ATG14: variants seen among roughly 807,000 people sequenced by gnomAD.
The protein encoded by ATG14 is autophagy related 14.
In ATG14, 35 loss-of-function variants were observed where a neutral mutation model predicts 60.4. That is an observed-to-expected ratio of 0.58 (90% CI 0.44 to 0.77). The LOEUF (loss-of-function observed/expected upper bound fraction) is 0.77, where lower values mean the gene tolerates loss of function less well. Ranked by LOEUF, ATG14 falls within the 30% of genes least tolerant of loss-of-function variation. ATG14 has a pLI of 0.00. For missense variants in ATG14, 647 were observed against 626.3 expected, an observed-to-expected ratio of 1.03 and a Z score of -0.35; for synonymous variants, 234 against 228.8, an observed-to-expected ratio of 1.02 and a Z score of -0.21.
intron 5 of ATG14, among the ~76,000 whole-genome samples, chr14:55,385,440 G>A (rs575882735): frequency 7.2e-4 from 110 of 152,246 alleles, no homozygotes; most frequent in Middle Eastern, 3.4e-3. Context: ...CTACAGGCAC[G>A]CGCCACCACG....
chr14:55,385,301 T>C (rs1409532353), intron 5 of ATG14, among the ~76,000 whole-genome samples: 1 of 152,126 alleles, frequency 6.6e-6, no homozygotes, highest in Non-Finnish European at 1.5e-5. Context: ...TTTTTTTTGT[T>C]TGTTTCTTTG....
intron 5 of ATG14, among the ~76,000 whole-genome samples, chr14:55,385,289 GTTTTT>G (rs543895212): frequency 6.6e-6 from 1 of 151,212 alleles, no homozygotes; most frequent in Admixed American, 6.6e-5. Context: ...TGGTTCTCTG[GTTTTT>G]TTTTGTTTGT....
chr14:55,378,125 AT>A (rs1345111807), intron 7 of ATG14, 51 bp from the exon 8 acceptor site: 16 of 1,516,534 alleles, frequency 1.1e-5, no homozygotes, highest in African/African-American at 1.4e-5. Context: ...AGGAAATTCT[AT>A]GTTAAAATTT....
At chr14:55,392,344 G>C (rs1249137548) in intron 3 of ATG14, among the ~76,000 whole-genome samples, 1 of 152,002 alleles carries the variant, frequency 6.6e-6, no homozygotes, top group African/African-American at 2.4e-5. Flanking sequence ...AGTGAACAAA[G>C]GATCAATAAA....
At chr14:55,376,104 G>A (rs1014987174) in intron 9 of ATG14, among the ~76,000 whole-genome samples, 1 of 152,140 alleles carries the variant, frequency 6.6e-6, no homozygotes, top group African/African-American at 2.4e-5. Context: ...GTCTACTACT[G>A]TGGAGTCAGC....
intron 1 of ATG14, among the ~76,000 whole-genome samples, chr14:55,404,606 G>C (rs1414093548): frequency 1.3e-5 from 2 of 152,178 alleles, no homozygotes; most frequent in East Asian, 3.8e-4. Flanking sequence ...AAAATATCTA[G>C]AGGGAGAGAA....
chr14:55,394,923 A>G, intron 3 of ATG14: 1 of 379,056 alleles, frequency 2.6e-6, no homozygotes, highest in Non-Finnish European at 5.1e-6. Flanking sequence ...ACCAAAAAGT[A>G]AACAACCAGA....
At chr14:55,397,784 A>C (rs1039747426) in intron 1 of ATG14, among the ~76,000 whole-genome samples, 3 of 152,194 alleles carry the variant, frequency 2.0e-5, no homozygotes, top group Admixed American at 2.0e-4. Flanking sequence ...TTTAATTACT[A>C]ATCTGGATTC....
intron 9 of ATG14, among the ~76,000 whole-genome samples, 173 bp downstream of exon 9, chr14:55,377,646 A>C (rs916791411): frequency 6.6e-6 from 1 of 152,224 alleles, no homozygotes; most frequent in Non-Finnish European, 1.5e-5. Flanking sequence ...TACAAAAAAA[A>C]CCCATAAAAG....
chr14:55,381,207 G>C (rs1039278176), intron 6 of ATG14, among the ~76,000 whole-genome samples: 3 of 152,026 alleles, frequency 2.0e-5, no homozygotes. Context: ...GGTCACCTTT[G>C]TATCTCCAGC....
chr14:55,370,068 T>C lies in ATG14; in HGVS notation c.1173-143A>G, dbSNP rs891562652. On this transcript the variant is annotated intron_variant, in intron 9 of 9. Transcript: ENST00000247178. ...TTCCCCAAGTCTATGCAGCACTCCG[T>C]GTTGACATATGATTGCGTTTTCCTT... 12 of 648,226 alleles carry C rather than the reference T, an allele frequency of 1.9e-5. No individual in the cohort carries two copies. The African/African-American group carries it at 2.0e-4, about 11-fold the overall frequency. The allele number at this position is 648,226 out of a possible 1,614,324, so 40.2% of individuals were successfully genotyped here. A position where few individuals can be genotyped will look rare whatever the true frequency, so the allele number is the denominator to read the frequency against.
intron 5 of ATG14, among the ~76,000 whole-genome samples, chr14:55,382,672 G>A (rs1397944239): frequency 1.3e-5 from 2 of 152,176 alleles, no homozygotes; most frequent in Admixed American, 6.5e-5. Context: ...TGAAATATAC[G>A]TAGATAAGAG....
intron 1 of ATG14, among the ~76,000 whole-genome samples, chr14:55,399,171 G>C (rs1347801627): frequency 6.6e-6 from 1 of 152,080 alleles, no homozygotes; most frequent in Non-Finnish European, 1.5e-5. Context: ...AAATTTAATA[G>C]TCACTGAAAA....
chr14:55,392,781 T>C (rs117628317), intron 3 of ATG14, among the ~76,000 whole-genome samples: 16 of 152,252 alleles, frequency 1.1e-4, no homozygotes, highest in Middle Eastern at 6.8e-3. Flanking sequence ...CTTATCTAAG[T>C]AGTCTGATGG....
In ATG14 at chr14:55,380,618, A is replaced by G. The variant is rs1415690846; in HGVS notation, c.950T>C (p.Leu317Pro). The G allele has an allele frequency of 1.2e-6, 2 of 1,613,422 alleles. No homozygotes were observed. Among genetic ancestry groups the G allele is most frequent in the Non-Finnish European group, 1.7e-6 (2 of 1,179,734 alleles). The part of the protein sequence containing the change: ...LCYATQLVNI[L>P]SHILDVNLPK... ...AAGATTTACATCAAGTATATGAGAC[A>G]GAATGTTGACCAGCTGAGTTGCATA... Residue 317 changes from leucine to proline, a missense_variant, in exon 7 of 10, where the codon CTG becomes CCG. By Grantham distance (98) the Leu-to-Pro change is moderately conservative. Coordinates refer to ENST00000247178, the MANE Select transcript of ATG14 (RefSeq NM_014924.5).
chr14:55,411,828 C>A lies in ATG14; in HGVS notation c.-6G>T. 1 of 1,584,628 alleles carries A rather than the reference C, an allele frequency of 6.3e-7. No individual in the cohort carries two copies. The highest frequency in any genetic ancestry group is 8.6e-7 in the Non-Finnish European group (1 of 1,165,972). ...TTCCCACTGGGAGACGCCATGATGG[C>A]CTGAGAGGAGAGCCAGTCACGTGGG... On this transcript the variant is annotated 5_prime_UTR_variant, in exon 1 of 10. Transcript: ENST00000247178.
intron 5 of ATG14, 110 bp from the exon 6 acceptor site, chr14:55,382,301 A>G (rs1885050047): frequency 1.2e-6 from 1 of 848,198 alleles, no homozygotes; most frequent in African/African-American, 1.7e-5. Context: ...GAGCACAGAA[A>G]TTTTACATTA....
intron 1 of ATG14, among the ~76,000 whole-genome samples, chr14:55,405,623 G>T (rs1315647129): frequency 6.6e-6 from 1 of 152,200 alleles, no homozygotes; most frequent in African/African-American, 2.4e-5. Context: ...CTTTCCTGTT[G>T]TGAGTGGAAA....
intron 5 of ATG14, among the ~76,000 whole-genome samples, chr14:55,384,940 C>T (rs1278499127): frequency 1.3e-5 from 2 of 152,166 alleles, no homozygotes; most frequent in African/African-American, 4.8e-5. Context: ...CCTCTGGAAC[C>T]TCTATTTCTC....
Sources: gnomAD v4.1 joint callset for allele counts (sites outside exome capture counted in the v4.1 genomes callset) on GRCh38, gnomAD v4.1.1 for gene constraint, MANE v1.5 for transcripts, NCBI Gene and HGNC (gene_info 2026-07-23, HGNC 2026-07-21) for gene names.